LDLRAD3: variants seen among roughly 807,000 people sequenced by gnomAD.
LDLRAD3 encodes low-density lipoprotein receptor class A domain-containing protein 3.
LDLRAD3 carries 20 observed loss-of-function variants against 29.4 expected under a neutral mutation model. That is an observed-to-expected ratio of 0.68 (90% CI 0.48 to 0.99). The LOEUF (loss-of-function observed/expected upper bound fraction) is 0.99, where lower values mean the gene tolerates loss of function less well. Among genes scored for constraint, LDLRAD3 ranks in the 50% least tolerant of loss-of-function variants. LDLRAD3 has a pLI of 0.00. For missense variants in LDLRAD3, 420 were observed against 454.3 expected (o/e 0.92, Z 0.69); for synonymous variants, 157 against 192.7 (o/e 0.81, Z 1.53).
At chr11:36,224,847 A>G (rs1412609391) in intron 4 of LDLRAD3, among the ~76,000 whole-genome samples, 1 of 152,200 alleles carries the variant, frequency 6.6e-6, no homozygotes, top group African/African-American at 2.4e-5. Context: ...AAGGAGAAAC[A>G]TCTAGATTCT....
chr11:36,018,555 C>A (rs1852052494), intron 1 of LDLRAD3, among the ~76,000 whole-genome samples: 1 of 151,644 alleles, frequency 6.6e-6, no homozygotes, highest in South Asian at 2.1e-4. Context: ...ATAAAAAAAA[C>A]CCAGCCTTTT....
intron 3 of LDLRAD3, among the ~76,000 whole-genome samples, chr11:36,090,732 C>T (rs921983633): frequency 1.3e-5 from 2 of 152,166 alleles, no homozygotes; most frequent in Non-Finnish European, 2.9e-5. Context: ...GTATTTTTGC[C>T]TCTTGCCTGC....
At chr11:36,115,253 C>T (rs7122831) in intron 4 of LDLRAD3, among the ~76,000 whole-genome samples, 11,403 of 152,246 alleles carry the variant, frequency 0.075, 886 homozygotes, top group East Asian at 0.32. Context: ...CCAAAACCAC[C>T]GCTTCCTTCT....
chr11:36,057,836 A>G (rs578081191), intron 2 of LDLRAD3, among the ~76,000 whole-genome samples: 2 of 152,222 alleles, frequency 1.3e-5, no homozygotes, highest in Admixed American at 1.3e-4. Context: ...TTGCGTCACC[A>G]TTTCCTTGCT....
chr11:36,104,348 T>C (rs12364985), intron 4 of LDLRAD3, among the ~76,000 whole-genome samples: 25,249 of 152,146 alleles, frequency 0.17, 2,399 homozygotes, highest in Admixed American at 0.26. Context: ...TGAGCCAGGG[T>C]GTGGCCACTC....
At chr11:35,948,811 T>C (rs1051946670) in intron 1 of LDLRAD3, among the ~76,000 whole-genome samples, 1 of 152,074 alleles carries the variant, frequency 6.6e-6, no homozygotes, top group Non-Finnish European at 1.5e-5. Flanking sequence ...TGGATAGTTC[T>C]TTGTTGTGGG....
intron 4 of LDLRAD3, among the ~76,000 whole-genome samples, chr11:36,138,494 G>T (rs1854034532): frequency 6.6e-6 from 1 of 152,212 alleles, no homozygotes; most frequent in South Asian, 2.1e-4. Flanking sequence ...TTAATTAGAA[G>T]TGCCTGATGT....
chr11:36,124,095 A>C (rs1853800901), intron 4 of LDLRAD3, among the ~76,000 whole-genome samples: 1 of 152,254 alleles, frequency 6.6e-6, no homozygotes, highest in African/African-American at 2.4e-5. Flanking sequence ...TGTCCAAAGC[A>C]ACTGATGGCA....
intron 2 of LDLRAD3, among the ~76,000 whole-genome samples, chr11:36,036,549 A>G (rs1461117304): frequency 1.3e-5 from 2 of 152,094 alleles, no homozygotes; most frequent in Non-Finnish European, 2.9e-5. Context: ...TGTACGAGCC[A>G]ACTGAGCATC....
intron 1 of LDLRAD3, among the ~76,000 whole-genome samples, chr11:36,000,348 C>T (rs115030175): frequency 6.6e-6 from 1 of 151,080 alleles, no homozygotes; most frequent in African/African-American, 2.4e-5. Context: ...CATACACACA[C>T]AGTTGAAATG....
At chr11:35,949,043 T>C (rs1356113449) in intron 1 of LDLRAD3, among the ~76,000 whole-genome samples, 2 of 152,046 alleles carry the variant, frequency 1.3e-5, no homozygotes, top group African/African-American at 4.8e-5. Flanking sequence ...CTGTGCATCA[T>C]TACTGTGCAT....
chr11:36,179,475 G>GA (rs1054331604), intron 4 of LDLRAD3, among the ~76,000 whole-genome samples: 4 of 151,288 alleles, frequency 2.6e-5, no homozygotes, highest in African/African-American at 2.4e-5. Flanking sequence ...CTCTGTCTCA[G>GA]AAAAAAAAGG....
At chr11:36,210,248 G>T (rs1294574121) in intron 4 of LDLRAD3, among the ~76,000 whole-genome samples, 1 of 152,118 alleles carries the variant, frequency 6.6e-6, no homozygotes, top group Admixed American at 6.5e-5. Context: ...CCCTCCGTGG[G>T]ATTCATCTTT....
chr11:36,125,888 A>T (rs1380412271), intron 4 of LDLRAD3, among the ~76,000 whole-genome samples: 1 of 151,836 alleles, frequency 6.6e-6, no homozygotes, highest in Non-Finnish European at 1.5e-5. Context: ...CCCTCCCATA[A>T]CCCCCTCAAC....
chr11:36,006,144 A>G (rs1460781006), intron 1 of LDLRAD3, among the ~76,000 whole-genome samples: 4 of 152,152 alleles, frequency 2.6e-5, no homozygotes, highest in Non-Finnish European at 4.4e-5. Context: ...AATGGTGGGT[A>G]GCATCATTGA....
chr11:35,994,457 T>G, intron 1 of LDLRAD3, among the ~76,000 whole-genome samples: 1 of 151,964 alleles, frequency 6.6e-6, no homozygotes. Context: ...ACTTTATTGC[T>G]AGAAAGTGCT....
intron 4 of LDLRAD3, among the ~76,000 whole-genome samples, chr11:36,159,571 C>T (rs1256621992): frequency 9.6e-6 from 1 of 103,722 alleles, no homozygotes; most frequent in Non-Finnish European, 1.8e-5. Flanking sequence ...CCAGCCTGGT[C>T]AACATAGTAA....
At chr11:36,042,161 T>C (rs1339699289) in intron 2 of LDLRAD3, among the ~76,000 whole-genome samples, 1 of 152,064 alleles carries the variant, frequency 6.6e-6, no homozygotes, top group East Asian at 1.9e-4. Context: ...ATACTCTTCC[T>C]CTTTTCCTTT....
In LDLRAD3 at chr11:36,204,295, C is replaced by T. The variant is rs574289899; in HGVS notation, c.455-22790C>T. Among the ~76,000 whole-genome samples the T allele has an allele frequency of 4.6e-4, 70 of 152,192 alleles. 1 individual carries two copies. The South Asian group carries it at 5.6e-3, about 12-fold the overall frequency. ...CCAAGCCATCTCTTCCTGCTATATC[C>T]GGGGCAGCATAAAGAGACCAGGAAA... is the stretch of plus-strand genomic sequence containing the variant. On this transcript the variant is annotated intron_variant, in intron 4 of 5. Coordinates refer to ENST00000315571, the MANE Select transcript of LDLRAD3 (RefSeq NM_174902.4).
Sources: gnomAD v4.1 joint callset for allele counts (sites outside exome capture counted in the v4.1 genomes callset) on GRCh38, gnomAD v4.1.1 for gene constraint, MANE v1.5 for transcripts, NCBI Gene and HGNC (gene_info 2026-07-23, HGNC 2026-07-21) for gene names.